The following FNBP1L variants were observed in gnomAD, a reference collection of about 807,000 sequenced individuals.
The protein encoded by FNBP1L is formin-binding protein 1-like.
FNBP1L carries 36 observed loss-of-function variants against 91.2 expected under a neutral mutation model. That is an observed-to-expected ratio of 0.39 (90% CI 0.30 to 0.52). FNBP1L has a LOEUF of 0.52. Ranked by LOEUF, FNBP1L falls within the 20% of genes least tolerant of loss-of-function variation. FNBP1L has a pLI of 0.66. For missense variants in FNBP1L, 571 were observed against 732.1 expected, an observed-to-expected ratio of 0.78 and a Z score of 2.54; for synonymous variants, 242 against 237.0, an observed-to-expected ratio of 1.02 and a Z score of -0.19.
At chr1:93,507,578 T>A (rs1670679494) in intron 2 of FNBP1L, among the ~76,000 whole-genome samples, 1 of 152,192 alleles carries the variant, frequency 6.6e-6, no homozygotes, top group African/African-American at 2.4e-5. Context: ...TTTAGACTGT[T>A]TTTTCAGAAG....
chr1:93,448,444 C>G lies in FNBP1L; in HGVS notation c.24+139C>G, dbSNP rs967303763. 6.3e-6 allele frequency: 6 copies of G among 953,062 alleles called. 1 individual carries two copies. The Admixed American group carries it at 1.2e-4, about 19-fold the overall frequency. The allele number at this position is 953,062 out of a possible 1,614,324, so 59.0% of individuals were successfully genotyped here. A position where few individuals can be genotyped will look rare whatever the true frequency, so the allele number is the denominator to read the frequency against. Reference sequence around the variant, plus strand: ...GCTGGCGGAGGGTGAGGGTCCCGCTCGTCTTTGTGTGCAGACTCCTCTTCC... The same window carrying G: ...GCTGGCGGAGGGTGAGGGTCCCGCTGGTCTTTGTGTGCAGACTCCTCTTCC... On this transcript the variant is annotated intron_variant, in intron 1 of 16. Coordinates refer to ENST00000271234, the MANE Select transcript of FNBP1L (RefSeq NM_001164473.3).
chr1:93,525,579 A>G (rs1671466565), intron 5 of FNBP1L, among the ~76,000 whole-genome samples: 1 of 152,162 alleles, frequency 6.6e-6, no homozygotes, highest in African/African-American at 2.4e-5. Flanking sequence ...ACAAAATAAC[A>G]TACTCCTACA....
At chr1:93,498,060 G>A (rs893963965) in intron 1 of FNBP1L, among the ~76,000 whole-genome samples, 9 of 151,394 alleles carry the variant, frequency 5.9e-5, no homozygotes, top group African/African-American at 2.2e-4. Flanking sequence ...TAATTCAATA[G>A]TATATCATTT....
Position 93,524,250 on chromosome 1 carries a change from A to T in FNBP1L, c.343-11A>T. 1 of 1,472,202 alleles carries T rather than the reference A, an allele frequency of 6.8e-7. No individual in the cohort carries two copies. The highest frequency in any genetic ancestry group is 9.0e-7 in the Non-Finnish European group (1 of 1,112,658). 91.2% of individuals were successfully genotyped at this position (1,472,202 alleles called of 1,614,324 possible). A position where few individuals can be genotyped will look rare whatever the true frequency, so the allele number is the denominator to read the frequency against. On this transcript the variant is annotated splice_polypyrimidine_tract_variant and intron_variant, in intron 4 of 16. Coordinates refer to ENST00000271234, the MANE Select transcript of FNBP1L (RefSeq NM_001164473.3). ...ATTTTTATTTTTTTTGGCCGTGGTT[A>T]TAATCTTCAGCATCTGCAAGAAGGA... is the stretch of plus-strand genomic sequence containing the variant.
intron 16 of FNBP1L, chr1:93,551,343 T>A (rs1672408482): frequency 8.5e-7 from 1 of 1,177,574 alleles, no homozygotes; most frequent in South Asian, 3.6e-5. Context: ...GCTTAATTGA[T>A]GCCTTTTGCT....
At chr1:93,451,711 G>A (rs780030819) in intron 1 of FNBP1L, among the ~76,000 whole-genome samples, 9 of 151,994 alleles carry the variant, frequency 5.9e-5, no homozygotes, top group Non-Finnish European at 1.3e-4. Context: ...GAGTGCAGTG[G>A]TGCGATCTCG....
intron 2 of FNBP1L, among the ~76,000 whole-genome samples, chr1:93,506,394 CA>C (rs1670613299): frequency 6.6e-6 from 1 of 152,122 alleles, no homozygotes; most frequent in South Asian, 2.1e-4. Context: ...AAAGCTGTGT[CA>C]GATCCAAAGT....
intron 2 of FNBP1L, among the ~76,000 whole-genome samples, chr1:93,516,302 G>T (rs919240847): frequency 6.6e-6 from 1 of 152,124 alleles, no homozygotes; most frequent in African/African-American, 2.4e-5. Flanking sequence ...TTGAACCGGG[G>T]ACCTCTTGAT....
intron 10 of FNBP1L, 87 bp downstream of exon 10, chr1:93,536,577 C>G: frequency 8.1e-7 from 1 of 1,228,000 alleles, no homozygotes; most frequent in Non-Finnish European, 1.1e-6. Context: ...TTATAAGGCT[C>G]TCTCCTATAA....
intron 12 of FNBP1L, among the ~76,000 whole-genome samples, chr1:93,545,669 G>A (rs1348128012): frequency 3.3e-5 from 5 of 152,074 alleles, no homozygotes; most frequent in African/African-American, 4.8e-5. Context: ...AGAGTAAATA[G>A]TATAGGAAAG....
At chr1:93,543,968 TTTTTTTTTTAAGGG>T in intron 11 of FNBP1L, 125 bp from the exon 12 acceptor site, 1 of 364,638 alleles carries the variant, frequency 2.7e-6, no homozygotes, top group Non-Finnish European at 5.0e-6. Flanking sequence ...TGTAGATTTC[TTTTTTTTTTAAGGG>T]GTTGCTTGAG....
At chr1:93,538,510 C>G (rs1671918944) in intron 10 of FNBP1L, among the ~76,000 whole-genome samples, 1 of 151,920 alleles carries the variant, frequency 6.6e-6, no homozygotes, top group Admixed American at 6.6e-5. Context: ...GTTTAGAGGA[C>G]AGAGCAGGGA....
rs71644388 is a variant in FNBP1L at position 93,465,536 on chromosome 1, T to C, written c.24+17231T>C. On this transcript the variant is annotated intron_variant, in intron 1 of 16. Coordinates refer to ENST00000271234, the MANE Select transcript of FNBP1L (RefSeq NM_001164473.3). ...TGTCCCTGCAAAGGACATGAACTCA[T>C]CCTTTTTGATGGCTGCATAGTATTC... Among the ~76,000 whole-genome samples, 445 of 152,288 alleles carry C rather than the reference T, an allele frequency of 2.9e-3. 1 individual carries two copies. The highest frequency in any genetic ancestry group is 5.2e-3 in the Non-Finnish European group (355 of 68,024).
Position 93,542,700 on chromosome 1 carries a change from C to T in FNBP1L, c.1165-1407C>T, listed in dbSNP as rs1331714019. ...GCATAAGTGGCCCAAAGAGCAAGAT[C>T]GTATTTGTTTTGAGAGCTCCTTTTA... On this transcript the variant is annotated intron_variant, in intron 11 of 16. Coordinates refer to ENST00000271234, the MANE Select transcript of FNBP1L (RefSeq NM_001164473.3). Among the ~76,000 whole-genome samples the T allele has an allele frequency of 6.0e-5, 9 of 149,908 alleles. No homozygotes were observed. The South Asian group carries it at 6.3e-4, about 11-fold the overall frequency.
At chr1:93,474,690 TAGAG>T (rs1341562816) in intron 1 of FNBP1L, among the ~76,000 whole-genome samples, 3 of 152,128 alleles carry the variant, frequency 2.0e-5, no homozygotes, top group Admixed American at 6.5e-5. Context: ...TTCTTAGAGT[TAGAG>T]AGAGGCCATA....
chr1:93,546,872 T>C lies in FNBP1L; in HGVS notation c.1305T>C (p.Tyr435=), dbSNP rs1309225508. The C allele has an allele frequency of 6.2e-7, 1 of 1,612,954 alleles. No individual in the cohort carries two copies. The highest frequency in any genetic ancestry group is 1.7e-5 in the Admixed American group (1 of 59,852). Residue 435 remains tyrosine (Y), a synonymous_variant, in exon 13 of 17, where the codon TAT becomes TAC. Transcript: ENST00000271234. ...KDALNKMKDV[Y]EKNPQMGDPG... ...CACTCAACAAAATGAAAGATGTATA[T>C]GAGAAGAATCCACAAATGGGGGATC...
At chr1:93,456,271 A>C (rs1030875747) in intron 1 of FNBP1L, among the ~76,000 whole-genome samples, 4 of 152,232 alleles carry the variant, frequency 2.6e-5, no homozygotes, top group Non-Finnish European at 5.9e-5. Flanking sequence ...TTTTTCCTTA[A>C]GTTCTTGATA....
intron 2 of FNBP1L, among the ~76,000 whole-genome samples, chr1:93,514,483 A>G (rs1364326559): frequency 6.6e-6 from 1 of 151,920 alleles, no homozygotes; most frequent in Non-Finnish European, 1.5e-5. Flanking sequence ...CAAAAGAACA[A>G]AGCTGGAGGC....
Position 93,547,329 on chromosome 1 carries a change from C to T in FNBP1L, c.1408-18C>T. 1.9e-6 allele frequency: 3 copies of T among 1,541,062 alleles called. No homozygotes were observed. The highest frequency in any genetic ancestry group is 1.8e-6 in the Non-Finnish European group (2 of 1,137,586). On this transcript the variant is annotated intron_variant, in intron 13 of 16. Coordinates refer to ENST00000271234, the MANE Select transcript of FNBP1L (RefSeq NM_001164473.3). ...CATATTTATTGAGCTCAGTTGTTTGCTTATTTTTTTTCCTAAGGCTTGGCT... is the reference window on the plus strand; with the variant it reads ...CATATTTATTGAGCTCAGTTGTTTGTTTATTTTTTTTCCTAAGGCTTGGCT...
Sources: gnomAD v4.1 joint callset for allele counts (sites outside exome capture counted in the v4.1 genomes callset) on GRCh38, gnomAD v4.1.1 for gene constraint, MANE v1.5 for transcripts, NCBI Gene and HGNC (gene_info 2026-07-23, HGNC 2026-07-21) for gene names.